Variants in F13A1 observed in about 807,000 individuals in gnomAD.
The protein encoded by F13A1 is coagulation factor XIII A chain, also known as FSF, A subunit.
In F13A1, 47 loss-of-function variants were observed where a neutral mutation model predicts 80.1. The ratio of observed to expected loss-of-function variants is 0.59; its 90% CI spans 0.46 to 0.75. The LOEUF (loss-of-function observed/expected upper bound fraction) is 0.75, where lower values mean the gene tolerates loss of function less well. F13A1 is among the 30% of genes least tolerant of loss of function. The pLI is 0.00. For synonymous variants in F13A1, 349 were observed against 344.9 expected (o/e 1.01, Z -0.13); for missense variants, 817 against 930.4 (o/e 0.88, Z 1.59).
At chr6:6,257,626 C>T (rs2113111929) in intron 4 of F13A1, among the ~76,000 whole-genome samples, 1 of 152,286 alleles carries the variant, frequency 6.6e-6, no homozygotes, top group African/African-American at 2.4e-5. Context: ...GAATTTGCAC[C>T]CTCAGGCTAC....
At chr6:6,199,058 C>A (rs1409913419) in intron 8 of F13A1, among the ~76,000 whole-genome samples, 1 of 152,194 alleles carries the variant, frequency 6.6e-6, no homozygotes, top group Non-Finnish European at 1.5e-5. Context: ...CGTGTTTGAA[C>A]ATTCAGGTTC....
chr6:6,145,267 G>A lies in F13A1; in HGVS notation c.*352C>T. On this transcript the variant is annotated 3_prime_UTR_variant, in exon 15 of 15. Coordinates refer to ENST00000264870, the MANE Select transcript of F13A1 (RefSeq NM_000129.4). The stretch of plus-strand genomic sequence containing the variant: ...AATCTGAAGTCTTGTTTTAAATGAG[G>A]CCAGGTATTGAGCAAATCTCCCTGG... 1 of 336,138 alleles carries A rather than the reference G, an allele frequency of 3.0e-6. No homozygotes were observed. The highest frequency in any genetic ancestry group is 2.6e-5 in the South Asian group (1 of 38,220). The allele number at this position is 336,138 out of a possible 1,614,324, so 20.8% of individuals were successfully genotyped here.
chr6:6,235,832 A>G (rs1420930165), intron 6 of F13A1, among the ~76,000 whole-genome samples: 1 of 152,126 alleles, frequency 6.6e-6, no homozygotes, highest in East Asian at 1.9e-4. Flanking sequence ...GACTTTTACT[A>G]AAGTCTTCCA....
Position 6,243,006 on chromosome 6 carries a change from A to G in F13A1, c.798+5306T>C, listed in dbSNP as rs1188694445. Reference sequence around the variant, plus strand: ...GACTGTAAGCTTTGTGAAGGCAGAAACTTAATTTTGTTCACAATTGTACTC... The same window carrying G: ...GACTGTAAGCTTTGTGAAGGCAGAAGCTTAATTTTGTTCACAATTGTACTC... On this transcript the variant is annotated intron_variant, in intron 6 of 14. Coordinates refer to ENST00000264870, the MANE Select transcript of F13A1 (RefSeq NM_000129.4). The surrounding 1 kb of genome is among the most constrained non-coding windows in gnomAD (Gnocchi z 4.2). 6.6e-6 allele frequency among the ~76,000 whole-genome samples: 1 copy of G among 152,166 alleles called. No individual in the cohort carries two copies. Among genetic ancestry groups the G allele is most frequent in the African/African-American group, 2.4e-5 (1 of 41,424 alleles).
In F13A1 at chr6:6,210,345, A is replaced by G. The variant is rs866955823; in HGVS notation, c.1112+11688T>C. ...ATGTGATATATATATATATATATAT[A>G]TATTTCTTTTTTTTTTTTAGAGGCA... On this transcript the variant is annotated intron_variant, in intron 8 of 14. Transcript: ENST00000264870. Among the ~76,000 whole-genome samples, 1,156 of 134,868 alleles carry G rather than the reference A, an allele frequency of 8.6e-3. 56 individuals are homozygous for G. Among genetic ancestry groups the G allele is most frequent in the African/African-American group, 0.03 (1,064 of 34,948 alleles). The allele number at this position is 134,868 out of a possible 152,430, so 88.5% of individuals were successfully genotyped here. A position where few individuals can be genotyped will look rare whatever the true frequency, so the allele number is the denominator to read the frequency against.
At chr6:6,193,167 C>T (rs189155908) in intron 10 of F13A1, among the ~76,000 whole-genome samples, 6 of 152,158 alleles carry the variant, frequency 3.9e-5, no homozygotes, top group East Asian at 1.9e-4. Flanking sequence ...GGTGAACTTC[C>T]AAAGTGGAGG....
intron 4 of F13A1, among the ~76,000 whole-genome samples, chr6:6,263,911 G>A (rs1349636854): frequency 6.6e-6 from 1 of 152,196 alleles, no homozygotes; most frequent in Non-Finnish European, 1.5e-5. Context: ...ACCATGTTTA[G>A]TTTATCATCA....
At chr6:6,224,390 T>A (rs1337542503) in intron 7 of F13A1, among the ~76,000 whole-genome samples, 1 of 152,184 alleles carries the variant, frequency 6.6e-6, no homozygotes, top group East Asian at 1.9e-4. Flanking sequence ...GAAAAGAAAA[T>A]GGCTTTTTTC....
intron 14 of F13A1, among the ~76,000 whole-genome samples, chr6:6,146,666 A>G (rs1472950046): frequency 2.0e-5 from 3 of 152,194 alleles, no homozygotes; most frequent in Admixed American, 2.0e-4. Context: ...TTTTATGATC[A>G]AGAAAAATGG....
In F13A1 at chr6:6,271,044, C is replaced by T. The variant is rs1027121191; in HGVS notation, c.320-4235G>A. Among the ~76,000 whole-genome samples the T allele has an allele frequency of 2.7e-5, 4 of 149,774 alleles. 1 individual carries two copies. The highest frequency in any genetic ancestry group is 9.8e-5 in the African/African-American group (4 of 40,738). On this transcript the variant is annotated intron_variant, in intron 3 of 14. Transcript: ENST00000264870. The stretch of plus-strand genomic sequence containing the variant: ...GCTGATACGCTGATGCCACGTGGCC[C>T]GGGAACAGGTTATGGAAGCGTTATC...
chr6:6,320,540 T>C, intron 1 of F13A1, 47 bp downstream of exon 1: 1 of 406,124 alleles, frequency 2.5e-6, no homozygotes, highest in Non-Finnish European at 5.1e-6. Flanking sequence ...GTGCAGAAGG[T>C]GGACGCAGCG....
In F13A1 at chr6:6,224,720, G is replaced by A. The variant is rs761265703; in HGVS notation, c.939C>T (p.Gly313=). ...YRSSENPVRY[G]QCWVFAGVFN... is the part of the protein sequence containing the mutation. ...AGACACCAGCAAAAACCCAGCATTG[G>A]CCATACCGGACTGGATTCTCAGAGC... The change falls in exon 7 of 15, where the codon GGC becomes GGT. Residue 313 remains glycine (G), a synonymous_variant. Coordinates refer to ENST00000264870, the MANE Select transcript of F13A1 (RefSeq NM_000129.4). 4.3e-6 allele frequency: 7 copies of A among 1,614,036 alleles called. No individual in the cohort carries two copies. Among genetic ancestry groups the A allele is most frequent in the Non-Finnish European group, 5.1e-6 (6 of 1,179,942 alleles).
intron 3 of F13A1, among the ~76,000 whole-genome samples, chr6:6,270,836 A>T (rs1757910106): frequency 6.6e-6 from 1 of 152,228 alleles, no homozygotes; most frequent in Non-Finnish European, 1.5e-5. Context: ...GCCGTGGATA[A>T]GAGTTGTGTG....
In F13A1 at chr6:6,250,953, G is replaced by A. The variant is rs981715286; in HGVS notation, c.572-24C>T. ...ATCTGCATCAGGGTTTAAACATAGT[G>A]ACTATTACCAAACCAGACTGTTTCC... is the stretch of plus-strand genomic sequence containing the variant. On this transcript the variant is annotated intron_variant, in intron 4 of 14. Transcript: ENST00000264870. This position sits in a 1 kb window ranked among gnomAD's most constrained non-coding sequence, Gnocchi z 4.2. The A allele has an allele frequency of 2.0e-6, 3 of 1,466,304 alleles. No homozygotes were observed. Among genetic ancestry groups the A allele is most frequent in the African/African-American group, 2.8e-5 (2 of 72,036 alleles). 90.8% of individuals were successfully genotyped at this position (1,466,304 alleles called of 1,614,324 possible).
chr6:6,249,287 A>C (rs572237667), intron 5 of F13A1, among the ~76,000 whole-genome samples: 1 of 152,356 alleles, frequency 6.6e-6, no homozygotes, highest in Admixed American at 6.5e-5. Flanking sequence ...GTGTATCCCA[A>C]ACTGACAGGA....
chr6:6,314,141 C>T (rs1758647780), intron 2 of F13A1, among the ~76,000 whole-genome samples: 1 of 151,920 alleles, frequency 6.6e-6, no homozygotes, highest in South Asian at 2.1e-4. Context: ...ACCACCACCC[C>T]AGGCTAATTT....
intron 8 of F13A1, among the ~76,000 whole-genome samples, chr6:6,203,498 TCTC>T (rs1761435206): frequency 6.6e-6 from 1 of 152,182 alleles, no homozygotes; most frequent in Non-Finnish European, 1.5e-5. Context: ...GCAGAGACAT[TCTC>T]CTGCTGGCTT....
chr6:6,208,765 C>T (rs980369700), intron 8 of F13A1, among the ~76,000 whole-genome samples: 1 of 152,036 alleles, frequency 6.6e-6, no homozygotes, highest in Admixed American at 6.5e-5. Context: ...TTAGTTTTCT[C>T]TCTTATTCGC....
chr6:6,174,541 C>G, intron 12 of F13A1, 39 bp downstream of exon 12: 1 of 1,609,362 alleles, frequency 6.2e-7, no homozygotes, highest in South Asian at 1.1e-5. Flanking sequence ...AGGGGCCAGA[C>G]AGCGAGTCTC....
Sources: gnomAD v4.1 joint callset for allele counts (sites outside exome capture counted in the v4.1 genomes callset) on GRCh38, gnomAD v4.1.1 for gene constraint, Gnocchi (gnomAD v3.1) non-coding constraint, MANE v1.5 for transcripts, NCBI Gene and HGNC (gene_info 2026-07-23, HGNC 2026-07-21) for gene names.